TMCC3: variants seen among roughly 807,000 people sequenced by gnomAD.
TMCC3 encodes transmembrane and coiled-coil domain family 3.
Under a neutral mutation model 40.2 loss-of-function variants are expected in TMCC3, and 28 were observed. The observed-to-expected ratio is 0.70, with a 90% CI of 0.52 to 0.95. TMCC3 has a LOEUF of 0.95. Ranked by LOEUF, TMCC3 falls within the 40% of genes least tolerant of loss-of-function variation. TMCC3 has a pLI of 0.00. For synonymous variants in TMCC3, 255 were observed against 248.5 expected (o/e 1.03, Z -0.25); for missense variants, 554 against 615.2 (o/e 0.90, Z 1.05).
At chr12:94,578,078 G>C (rs1239449635) in intron 3 of TMCC3, among the ~76,000 whole-genome samples, 1 of 146,808 alleles carries the variant, frequency 6.8e-6, no homozygotes, top group Non-Finnish European at 1.5e-5. Flanking sequence ...GAACTCGGGA[G>C]GCAGAGGTCG....
intron 1 of TMCC3, among the ~76,000 whole-genome samples, chr12:94,609,473 C>A (rs773356652): frequency 3.3e-5 from 5 of 152,302 alleles, no homozygotes; most frequent in African/African-American, 4.8e-5. Flanking sequence ...TCAGTGGTTA[C>A]TCAGAACTTC....
chr12:94,614,315 A>T (rs994917776), intron 1 of TMCC3, among the ~76,000 whole-genome samples: 1 of 152,126 alleles, frequency 6.6e-6, no homozygotes, highest in African/African-American at 2.4e-5. Context: ...CACTGCAATG[A>T]TCTTCTTGGA....
chr12:94,646,261 T>TG (rs2069017504), intron 1 of TMCC3, among the ~76,000 whole-genome samples: 1 of 151,834 alleles, frequency 6.6e-6, no homozygotes, highest in Non-Finnish European at 1.5e-5. Context: ...GTTAGAGAGA[T>TG]GGGGGAGGGC....
chr12:94,606,102 C>CTT (rs2138855023), intron 1 of TMCC3, among the ~76,000 whole-genome samples: 1 of 152,178 alleles, frequency 6.6e-6, no homozygotes, highest in African/African-American at 2.4e-5. Context: ...CTTTTTTTCT[C>CTT]TTTACTGGGA....
chr12:94,642,974 C>T (rs767143845), intron 1 of TMCC3, among the ~76,000 whole-genome samples: 2 of 152,060 alleles, frequency 1.3e-5, no homozygotes, highest in African/African-American at 2.4e-5. Context: ...AGGCGGATCA[C>T]GAGGTCAGGA....
chr12:94,649,016 T>C (rs777248400), intron 1 of TMCC3, among the ~76,000 whole-genome samples: 1 of 152,206 alleles, frequency 6.6e-6, no homozygotes, highest in Non-Finnish European at 1.5e-5. Context: ...TTATTCCAAA[T>C]GGAGTTTCTG....
At chr12:94,590,124 G>A (rs1219448213) in intron 1 of TMCC3, among the ~76,000 whole-genome samples, 1 of 125,020 alleles carries the variant, frequency 8.0e-6, no homozygotes, top group Non-Finnish European at 1.7e-5. Flanking sequence ...TTTTTTTTGA[G>A]ACAGTCTCTC....
chr12:94,597,155 ATATGTATAT>A (rs1566322306), intron 1 of TMCC3, among the ~76,000 whole-genome samples: 24 of 14,346 alleles, frequency 1.7e-3, no homozygotes, highest in Middle Eastern at 0.083. Flanking sequence ...ATATATATAT[ATATGTATAT>A]AAATTAGCCA....
intron 1 of TMCC3, among the ~76,000 whole-genome samples, chr12:94,622,921 T>C (rs2068883469): frequency 6.6e-6 from 1 of 152,136 alleles, no homozygotes; most frequent in Non-Finnish European, 1.5e-5. Flanking sequence ...ACCTGAACTC[T>C]TCAGCCAAAG....
intron 1 of TMCC3, chr12:94,590,938 CA>C (rs2068670796): frequency 5.1e-6 from 3 of 585,746 alleles, no homozygotes; most frequent in Non-Finnish European, 1.0e-5. Flanking sequence ...CCGAGAGCTT[CA>C]AGGCAGATCA....
intron 1 of TMCC3, among the ~76,000 whole-genome samples, chr12:94,635,299 A>G (rs944048022): frequency 6.6e-6 from 1 of 152,184 alleles, no homozygotes; most frequent in Non-Finnish European, 1.5e-5. Flanking sequence ...GGGGCTAACA[A>G]AGCAGAAGCA....
intron 1 of TMCC3, among the ~76,000 whole-genome samples, chr12:94,584,398 T>G (rs1224521414): frequency 1.3e-5 from 2 of 152,180 alleles, no homozygotes; most frequent in Non-Finnish European, 2.9e-5. Context: ...CCATGCTTCC[T>G]GTACACAGCC....
chr12:94,601,156 A>G (rs775605286), intron 1 of TMCC3, among the ~76,000 whole-genome samples: 1 of 152,234 alleles, frequency 6.6e-6, no homozygotes, highest in Non-Finnish European at 1.5e-5. Flanking sequence ...GATATTAGAA[A>G]TTATAATTAC....
chr12:94,570,589 T>C lies in TMCC3; in HGVS notation c.*846A>G, dbSNP rs11107606. 49,819 of 152,184 alleles carry C rather than the reference T, an allele frequency of 0.33. 8,553 individuals are homozygous for C. Among genetic ancestry groups the C allele is most frequent in the Admixed American group, 0.41 (6,276 of 15,258 alleles). The allele number at this position is 152,184 out of a possible 1,614,324, so 9.4% of individuals were successfully genotyped here. A position where few individuals can be genotyped will look rare whatever the true frequency, so the allele number is the denominator to read the frequency against. On this transcript the variant is annotated 3_prime_UTR_variant, in exon 4 of 4. Coordinates refer to ENST00000261226, the MANE Select transcript of TMCC3 (RefSeq NM_020698.4). ...CTGAGCAATATTTAGCAGAGCCCTG[T>C]CTCAAAAAAGAAAAAAGATTTGCCA...
chr12:94,571,815 C>T, intron 3 of TMCC3, 78 bp from the exon 4 acceptor site: 2 of 1,489,582 alleles, frequency 1.3e-6, no homozygotes, highest in East Asian at 4.6e-5. Flanking sequence ...CAGCTGTACA[C>T]AAAAGCCCCA....
chr12:94,602,761 A>G (rs2068760504), intron 1 of TMCC3, among the ~76,000 whole-genome samples: 1 of 152,108 alleles, frequency 6.6e-6, no homozygotes, highest in Admixed American at 6.5e-5. Context: ...GTGGATTTCT[A>G]AATTTCCAAG....
intron 1 of TMCC3, among the ~76,000 whole-genome samples, chr12:94,632,155 G>A (rs993982352): frequency 2.6e-5 from 4 of 152,224 alleles, no homozygotes; most frequent in Non-Finnish European, 5.9e-5. Flanking sequence ...GCAGAGAGAA[G>A]GCTGACTATA....
chr12:94,639,351 G>A (rs1333973237), intron 1 of TMCC3, among the ~76,000 whole-genome samples: 4 of 152,152 alleles, frequency 2.6e-5, no homozygotes, highest in Admixed American at 6.5e-5. Context: ...GGAGGGTGAG[G>A]CAGGTGGATC....
intron 1 of TMCC3, among the ~76,000 whole-genome samples, chr12:94,619,505 T>A (rs1255231532): frequency 6.6e-6 from 1 of 152,222 alleles, no homozygotes; most frequent in Non-Finnish European, 1.5e-5. Context: ...CTGAGTTTCC[T>A]GTGGTTAGTA....
Sources: gnomAD v4.1 joint callset for allele counts (sites outside exome capture counted in the v4.1 genomes callset) on GRCh38, gnomAD v4.1.1 for gene constraint, MANE v1.5 for transcripts, NCBI Gene and HGNC (gene_info 2026-07-23, HGNC 2026-07-21) for gene names.